RARB: variants seen among roughly 807,000 people sequenced by gnomAD.
RARB encodes HBV-activated protein.
Under a neutral mutation model 51.9 loss-of-function variants are expected in RARB, and 17 were observed. That is an observed-to-expected ratio of 0.33 (90% confidence interval 0.22 to 0.49). The LOEUF (loss-of-function observed/expected upper bound fraction) is 0.49, where lower values mean the gene tolerates loss of function less well. Ranked by LOEUF, RARB falls within the 20% of genes least tolerant of loss-of-function variation. The probability of loss-of-function intolerance (pLI) is 0.99; values close to 1 mark genes in which losing one functional copy is unlikely to be tolerated. For missense variants in RARB, 369 were observed against 550.8 expected, an observed-to-expected ratio of 0.67 and a Z score of 3.30; for synonymous variants, 215 against 195.4, an observed-to-expected ratio of 1.10 and a Z score of -0.84.
intron 3 of RARB, among the ~76,000 whole-genome samples, chr3:25,549,903 G>A (rs1015671378): frequency 6.6e-5 from 10 of 151,784 alleles, no homozygotes; most frequent in Admixed American, 3.3e-4. Context: ...TGTAAGCCCA[G>A]CTGTCTCTCT....
chr3:25,119,514 GGCT>G (rs1274758760), intron 3 of RARB, among the ~76,000 whole-genome samples: 1 of 151,942 alleles, frequency 6.6e-6, no homozygotes, highest in Non-Finnish European at 1.5e-5. Flanking sequence ...AACAAACATT[GGCT>G]GCTATTATGG....
chr3:24,956,284 G>A (rs1425907498), intron 2 of RARB, among the ~76,000 whole-genome samples: 4 of 152,160 alleles, frequency 2.6e-5, no homozygotes, highest in African/African-American at 9.7e-5. Flanking sequence ...CCAGGTCTCA[G>A]TTTTCTCATT....
chr3:25,247,851 C>T (rs1702606124), intron 5 of RARB, among the ~76,000 whole-genome samples: 4 of 152,206 alleles, frequency 2.6e-5, no homozygotes, highest in Non-Finnish European at 5.9e-5. Flanking sequence ...AATGTGTATA[C>T]TGTAGCTGTT....
intron 5 of RARB, among the ~76,000 whole-genome samples, chr3:25,420,344 C>G (rs898641540): frequency 1.3e-5 from 2 of 152,126 alleles, no homozygotes; most frequent in Non-Finnish European, 2.9e-5. Flanking sequence ...GAAGGAAATT[C>G]CTTTGGGCTT....
At chr3:25,306,904 G>T (rs191379150) in intron 5 of RARB, among the ~76,000 whole-genome samples, 3 of 152,076 alleles carry the variant, frequency 2.0e-5, no homozygotes, top group African/African-American at 7.2e-5. Context: ...TCCATCCTTG[G>T]TGGGAGTCAT....
intron 2 of RARB, among the ~76,000 whole-genome samples, chr3:24,995,496 C>T (rs1032201996): frequency 5.3e-5 from 8 of 151,950 alleles, no homozygotes; most frequent in South Asian, 2.1e-4. Flanking sequence ...TAGGACTTCC[C>T]GTACTGTGTA....
intron 2 of RARB, among the ~76,000 whole-genome samples, chr3:24,949,015 A>C (rs1031426644): frequency 6.6e-6 from 1 of 152,202 alleles, no homozygotes; most frequent in Non-Finnish European, 1.5e-5. Flanking sequence ...GAACCATTAC[A>C]GTAGCTGTCT....
chr3:25,074,532 T>A (rs752720313), intron 3 of RARB, among the ~76,000 whole-genome samples: 2 of 152,196 alleles, frequency 1.3e-5, no homozygotes, highest in Non-Finnish European at 2.9e-5. Context: ...TACATAGTTA[T>A]CTTTGACCCT....
intron 5 of RARB, among the ~76,000 whole-genome samples, chr3:25,283,218 G>C (rs1234236038): frequency 5.3e-5 from 8 of 152,166 alleles, no homozygotes; most frequent in Admixed American, 5.2e-4. Flanking sequence ...TCCTTGGGAA[G>C]CTCTGTCCTC....
intron 2 of RARB, among the ~76,000 whole-genome samples, chr3:24,964,767 C>A (rs957295249): frequency 1.3e-5 from 2 of 152,162 alleles, no homozygotes; most frequent in Non-Finnish European, 2.9e-5. Context: ...GTCTCCTTGC[C>A]AGGCATTCTG....
At position 25,274,761 on chromosome 3, in the gene RARB, T is replaced by C. The variant is rs182539330; in HGVS notation, c.178+100186T>C. On this transcript the variant is annotated intron_variant, in intron 5 of 11. Transcript: ENST00000383772. ...TGGGACCAGCAGCTGCCTCTTTATA[T>C]AGTCTTTTCATTATAGCGGCAAAAA... Among the ~76,000 whole-genome samples the C allele has an allele frequency of 1.5e-4, 23 of 152,282 alleles. No homozygotes were observed. In the East Asian group the frequency reaches 3.9e-3, roughly 26 times the overall value.
intron 1 of RARB, among the ~76,000 whole-genome samples, chr3:24,854,096 T>C (rs997466316): frequency 1.6e-4 from 24 of 152,126 alleles, no homozygotes; most frequent in African/African-American, 5.3e-4. Context: ...AAATAGAGAA[T>C]GCAGAGACTT....
chr3:25,413,891 T>A (rs1037357233), intron 5 of RARB, among the ~76,000 whole-genome samples: 1 of 152,208 alleles, frequency 6.6e-6, no homozygotes, highest in African/African-American at 2.4e-5. Context: ...CCATGACAAT[T>A]TATTGAGTTG....
intron 5 of RARB, among the ~76,000 whole-genome samples, chr3:25,245,343 A>G (rs1702532923): frequency 6.6e-6 from 1 of 152,184 alleles, no homozygotes. Flanking sequence ...TGATCCTGTC[A>G]TTATGATGCT....
intron 5 of RARB, among the ~76,000 whole-genome samples, chr3:25,590,046 C>CCG (rs1389015561): frequency 3.9e-5 from 6 of 152,162 alleles, no homozygotes; most frequent in Admixed American, 3.9e-4. Context: ...CAGGCTGGGG[C>CCG]CGGGGCAGGG....
chr3:24,865,204 A>G lies in RARB; in HGVS notation c.-380+6452A>G, dbSNP rs571905543. On this transcript the variant is annotated intron_variant, in intron 2 of 11. Coordinates refer to the RARB transcript ENST00000383772. ...TATGCATGAACTATAGGAGTCCCTT[A>G]GTATACAAGAGGAATTTGTTCCAGG... is the stretch of plus-strand genomic sequence containing the variant. Among the ~76,000 whole-genome samples the G allele has an allele frequency of 2.0e-5, 3 of 152,276 alleles. No homozygotes were observed. In the South Asian group the frequency reaches 6.2e-4, roughly 32 times the overall value.
At chr3:25,463,062 G>T (rs1294875773) in intron 2 of RARB, among the ~76,000 whole-genome samples, 2 of 151,996 alleles carry the variant, frequency 1.3e-5, no homozygotes. Flanking sequence ...GTAGAGATGG[G>T]GGTCTCACGT....
At chr3:25,158,479 T>C (rs1700413844) in intron 4 of RARB, among the ~76,000 whole-genome samples, 1 of 152,228 alleles carries the variant, frequency 6.6e-6, no homozygotes, top group African/African-American at 2.4e-5. Flanking sequence ...AGATTGTCAT[T>C]TGAATTCTTC....
chr3:24,956,431 T>C (rs1358466070), intron 2 of RARB, among the ~76,000 whole-genome samples: 1 of 152,220 alleles, frequency 6.6e-6, no homozygotes, highest in Admixed American at 6.5e-5. Flanking sequence ...CACCCTCATA[T>C]GAACAATACT....
Sources: allele counts gnomAD v4.1 joint callset (sites outside exome capture counted in the v4.1 genomes callset), GRCh38; gene constraint gnomAD v4.1.1; transcripts MANE v1.5; gene names NCBI Gene and HGNC (gene_info 2026-07-23, HGNC 2026-07-21).